The following TGFBR3 variants were observed in gnomAD, a reference collection of about 807,000 sequenced individuals.
The protein encoded by TGFBR3 is transforming growth factor beta receptor 3.
A neutral mutation model predicts 87.9 loss-of-function variants in TGFBR3; 46 were observed. The ratio of observed to expected loss-of-function variants is 0.52; its 90% CI spans 0.41 to 0.67. The LOEUF (loss-of-function observed/expected upper bound fraction) is 0.67, where lower values mean the gene tolerates loss of function less well. TGFBR3 is among the 30% of genes least tolerant of loss of function. The pLI, the probability that TGFBR3 is intolerant of heterozygous loss-of-function variation, is 0.00. For missense variants in TGFBR3, 866 were observed against 1,041.9 expected (o/e 0.83, Z 2.32); for synonymous variants, 381 against 391.6 (o/e 0.97, Z 0.32).
chr1:91,771,761 C>T (rs552083319), intron 3 of TGFBR3, among the ~76,000 whole-genome samples: 2 of 147,434 alleles, frequency 1.4e-5, no homozygotes, highest in Non-Finnish European at 3.0e-5. Context: ...ACTACACAAA[C>T]TGTGAAGACT....
At chr1:91,819,324 C>T (rs1009631252) in intron 2 of TGFBR3, among the ~76,000 whole-genome samples, 4 of 151,720 alleles carry the variant, frequency 2.6e-5, no homozygotes, top group South Asian at 2.1e-4. Context: ...GCTGAGATCG[C>T]GCCACTGTAT....
intron 2 of TGFBR3, among the ~76,000 whole-genome samples, chr1:91,803,285 G>T (rs757169637): frequency 3.3e-5 from 5 of 152,162 alleles, no homozygotes; most frequent in Non-Finnish European, 5.9e-5. Context: ...GTGCCAGCTG[G>T]ACACACAGCC....
intron 16 of TGFBR3, among the ~76,000 whole-genome samples, chr1:91,689,159 C>T (rs2100697595): frequency 6.6e-6 from 1 of 152,280 alleles, no homozygotes; most frequent in Admixed American, 6.5e-5. Context: ...CCCCCTTCTT[C>T]TCACCCTCCC....
chr1:91,828,823 C>G (rs942188784), intron 2 of TGFBR3, among the ~76,000 whole-genome samples: 5 of 152,132 alleles, frequency 3.3e-5, no homozygotes, highest in African/African-American at 1.2e-4. Flanking sequence ...GCAGGTCCCT[C>G]TCTCCCAATT....
chr1:91,814,011 C>T (rs975899798), intron 2 of TGFBR3, among the ~76,000 whole-genome samples: 1 of 152,194 alleles, frequency 6.6e-6, no homozygotes, highest in Admixed American at 6.5e-5. Flanking sequence ...GCTCACTCAC[C>T]CGCTGCTCAC....
chr1:91,727,848 A>G (rs754549211), intron 6 of TGFBR3, 42 bp from the exon 7 acceptor site: 3 of 1,610,944 alleles, frequency 1.9e-6, no homozygotes, highest in East Asian at 2.2e-5. Flanking sequence ...CCTACATGCC[A>G]GAAAGTTGCA....
intron 2 of TGFBR3, among the ~76,000 whole-genome samples, chr1:91,841,271 T>C (rs549700908): frequency 1.3e-5 from 2 of 152,322 alleles, no homozygotes; most frequent in East Asian, 1.9e-4. Context: ...AAGAAAATCA[T>C]TGTACTTTGG....
At chr1:91,879,904 G>A (rs954566666) in intron 1 of TGFBR3, among the ~76,000 whole-genome samples, 7 of 145,482 alleles carry the variant, frequency 4.8e-5, no homozygotes, top group African/African-American at 1.7e-4. Flanking sequence ...GATCCTTCTT[G>A]TAAGGCCCTT....
At chr1:91,838,858 C>T (rs184673499) in intron 2 of TGFBR3, among the ~76,000 whole-genome samples, 2 of 152,300 alleles carry the variant, frequency 1.3e-5, no homozygotes, top group East Asian at 3.9e-4. Flanking sequence ...TGGGTTTTCC[C>T]ATCTACTTTT....
intron 15 of TGFBR3, among the ~76,000 whole-genome samples, chr1:91,697,344 A>G (rs1671467653): frequency 6.6e-6 from 1 of 152,230 alleles, no homozygotes. Context: ...ACTGATTGTT[A>G]AATGTAGTGA....
chr1:91,891,664 C>T (rs1477821871), intron 2 of TGFBR3, among the ~76,000 whole-genome samples: 2 of 152,170 alleles, frequency 1.3e-5, no homozygotes, highest in Non-Finnish European at 2.9e-5. Flanking sequence ...TGCACAACTA[C>T]TCTTAAGAAT....
intron 3 of TGFBR3, among the ~76,000 whole-genome samples, chr1:91,759,383 CAAAAAAAAAA>C (rs35600646): frequency 1.5e-3 from 130 of 84,708 alleles, no homozygotes; most frequent in African/African-American, 6.3e-3. Flanking sequence ...CAGCCCCTGT[CAAAAAAAAAA>C]AAAAAAAAAA....
chr1:91,735,793 A>G (rs1223489621), intron 4 of TGFBR3, among the ~76,000 whole-genome samples: 1 of 152,214 alleles, frequency 6.6e-6, no homozygotes, highest in Non-Finnish European at 1.5e-5. Flanking sequence ...TGGTGAAAAT[A>G]TGTATGCCAT....
intron 2 of TGFBR3, among the ~76,000 whole-genome samples, chr1:91,836,891 C>G (rs1380454986): frequency 6.6e-6 from 1 of 152,162 alleles, no homozygotes; most frequent in Non-Finnish European, 1.5e-5. Context: ...TATGACAGAG[C>G]TGGCCCTCCA....
chr1:91,795,443 C>T (rs937790111), intron 3 of TGFBR3, among the ~76,000 whole-genome samples: 2 of 152,142 alleles, frequency 1.3e-5, no homozygotes, highest in Non-Finnish European at 2.9e-5. Flanking sequence ...AAATGAATCC[C>T]ATTTTGAATA....
intron 1 of TGFBR3, among the ~76,000 whole-genome samples, chr1:91,867,139 A>C (rs545994550): frequency 6.6e-6 from 1 of 152,188 alleles, no homozygotes; most frequent in Non-Finnish European, 1.5e-5. Flanking sequence ...TAGTATTAAA[A>C]CTATCATTTA....
chr1:91,709,359 A>C (rs1202377452), intron 13 of TGFBR3, among the ~76,000 whole-genome samples: 1 of 152,250 alleles, frequency 6.6e-6, no homozygotes, highest in Non-Finnish European at 1.5e-5. Context: ...ATGTAACACA[A>C]AGCTTATTTC....
upstream of TGFBR3, among the ~76,000 whole-genome samples, chr1:91,888,004 A>C (rs1316761298): frequency 6.6e-6 from 1 of 152,160 alleles, no homozygotes; most frequent in Non-Finnish European, 1.5e-5. Flanking sequence ...TCTCATCTCG[A>C]ATTGTAAGTC....
rs769308395 is a variant in TGFBR3, at chr1:91,716,548, T to G, written c.1707+20A>C. 1 of 1,614,064 alleles carries G rather than the reference T, an allele frequency of 6.2e-7. No homozygotes were observed. The highest frequency in any genetic ancestry group is 8.5e-7 in the Non-Finnish European group (1 of 1,180,020). ...TAGACAGCATTTTCCACAAACCCCC[T>G]ACTGATAACAAACACATACCACCAC... On this transcript the variant is annotated intron_variant, in intron 11 of 16. Coordinates refer to ENST00000212355, the MANE Select transcript of TGFBR3 (RefSeq NM_003243.5).
Sources: allele counts gnomAD v4.1 joint callset (sites outside exome capture counted in the v4.1 genomes callset), GRCh38; gene constraint gnomAD v4.1.1; transcripts MANE v1.5; gene names NCBI Gene and HGNC (gene_info 2026-07-23, HGNC 2026-07-21).